KNTC1: variants seen among roughly 807,000 people sequenced by gnomAD.
The protein encoded by KNTC1 is kinetochore associated 1.
KNTC1 carries 253 observed loss-of-function variants against 314.4 expected under a neutral mutation model. The ratio of observed to expected loss-of-function variants is 0.80; its 90% CI spans 0.73 to 0.89. KNTC1 has a LOEUF of 0.89. Among genes scored for constraint, KNTC1 ranks in the 40% least tolerant of loss-of-function variants. The pLI is 0.00. For synonymous variants in KNTC1, 901 were observed against 901.4 expected (o/e 1.00, Z 0.01); for missense variants, 2,475 against 2,572.9 (o/e 0.96, Z 0.82).
intron 44 of KNTC1, among the ~76,000 whole-genome samples, chr12:122,600,700 C>G (rs1161691928): frequency 6.7e-6 from 1 of 149,654 alleles, no homozygotes; most frequent in South Asian, 2.1e-4. Context: ...TAGTCTGGTT[C>G]TTTTGTTCAG....
Position 122,618,522 on chromosome 12 carries a change from TGA to T in KNTC1, c.6130_6131del (p.Leu2045HisfsTer11). On this transcript the variant is annotated frameshift_variant, in exon 59 of 64. Coordinates refer to ENST00000333479, the MANE Select transcript of KNTC1 (RefSeq NM_014708.6). LOFTEE classifies it high-confidence loss of function. Reference protein sequence around the residue: ...LSPDQLSDCSESLIAVLECPV... With the variant: ...LSPDQLSDCSXSLIAVLECPV... The stretch of plus-strand genomic sequence containing the variant: ...GTCCTGATCAGCTGTCAGATTGTTC[TGA>T]GAGTCTCATCGCTGTCCTCGAGTAA... 1 of 1,612,054 alleles carries T rather than the reference TGA, an allele frequency of 6.2e-7. No individual in the cohort carries two copies. Among genetic ancestry groups the T allele is most frequent in the East Asian group, 2.2e-5 (1 of 44,850 alleles).
chr12:122,535,788 C>A (rs1162455337), intron 3 of KNTC1, among the ~76,000 whole-genome samples: 1 of 151,700 alleles, frequency 6.6e-6, no homozygotes, highest in Non-Finnish European at 1.5e-5. Context: ...TATACTCTAG[C>A]CTGAGTGACA....
Position 122,626,244 on chromosome 12 carries a change from T to C in KNTC1, c.*16T>C, listed in dbSNP as rs1432198014. ...ATTATCGTAAATCACTGAACCTTTT[T>C]TTCAAGAAGGACAAGAATTTTGGAG... On this transcript the variant is annotated 3_prime_UTR_variant, in exon 64 of 64. Transcript: ENST00000333479. 2 of 1,576,170 alleles carry C rather than the reference T, an allele frequency of 1.3e-6. No individual in the cohort carries two copies. The highest frequency in any genetic ancestry group is 1.3e-5 in the African/African-American group (1 of 74,360).
Position 122,542,018 on chromosome 12 carries a change from A to G in KNTC1, c.446-32A>G, listed in dbSNP as rs1237841153. The G allele has an allele frequency of 2.7e-6, 4 of 1,493,438 alleles. No individual in the cohort carries two copies. In the East Asian group the frequency reaches 9.9e-5, roughly 37 times the overall value. 92.5% of individuals were successfully genotyped at this position (1,493,438 alleles called of 1,614,324 possible). A position where few individuals can be genotyped will look rare whatever the true frequency, so the allele number is the denominator to read the frequency against. On this transcript the variant is annotated intron_variant, in intron 5 of 63. Coordinates refer to ENST00000333479, the MANE Select transcript of KNTC1 (RefSeq NM_014708.6). Reference sequence around the variant, plus strand: ...GACAGAATGAGACTCCATCTCAAAAAAAAGAAACTGATTCTGATTTTATTT... The same window carrying G: ...GACAGAATGAGACTCCATCTCAAAAGAAAGAAACTGATTCTGATTTTATTT...
At chr12:122,598,171 T>A (rs753169218) in intron 44 of KNTC1, among the ~76,000 whole-genome samples, 2 of 152,286 alleles carry the variant, frequency 1.3e-5, no homozygotes, top group African/African-American at 4.8e-5. Context: ...TTCTTTGAAT[T>A]TATATGAGCT....
chr12:122,552,508 T>C (rs1963272882), intron 16 of KNTC1, among the ~76,000 whole-genome samples: 1 of 152,058 alleles, frequency 6.6e-6, no homozygotes, highest in Non-Finnish European at 1.5e-5. Flanking sequence ...GGGACTATAG[T>C]TGCATACCAC....
At chr12:122,600,912 C>T (rs886314656) in intron 44 of KNTC1, among the ~76,000 whole-genome samples, 5 of 151,942 alleles carry the variant, frequency 3.3e-5, no homozygotes, top group South Asian at 2.1e-4. Context: ...GTGATCCACC[C>T]GCCTTGGCCT....
At chr12:122,592,832 C>T (rs951762360) in intron 42 of KNTC1, 4 of 152,242 alleles carry the variant, frequency 2.6e-5, no homozygotes, top group African/African-American at 9.7e-5. Flanking sequence ...CGCTCGGGTC[C>T]CCTTCCACAC....
Position 122,587,747 on chromosome 12 carries a change from C to G in KNTC1, c.3767C>G (p.Ser1256Cys), listed in dbSNP as rs749077462. ...GTTTTACCTGTTATAAATTCCATCT[C>G]TGCCCTGCTTCAGAATCTTCAGGAA... The part of the protein sequence containing the change: ...GLVLPVINSI[S>C]ALLQNLQESS... Residue 1256 changes from serine to cysteine, a missense_variant, in exon 39 of 64, where the codon TCT (serine) becomes TGT (cysteine). Transcript: ENST00000333479. The G allele has an allele frequency of 6.2e-7, 1 of 1,613,778 alleles. No homozygotes were observed. Among genetic ancestry groups the G allele is most frequent in the East Asian group, 2.2e-5 (1 of 44,870 alleles).
At chr12:122,609,464 C>T (rs763262304) in intron 52 of KNTC1, 34 bp downstream of exon 52, 7 of 1,344,908 alleles carry the variant, frequency 5.2e-6, no homozygotes, top group Admixed American at 2.5e-5. Flanking sequence ...TCACCTATAT[C>T]GTGATGCAAA....
intron 47 of KNTC1, 58 bp downstream of exon 47, chr12:122,602,945 T>C (rs1451726546): frequency 6.5e-7 from 1 of 1,543,974 alleles, no homozygotes; most frequent in Non-Finnish European, 8.9e-7. Flanking sequence ...TCTGACCCCG[T>C]ATAGAAGATT....
intron 43 of KNTC1, among the ~76,000 whole-genome samples, chr12:122,596,198 T>C (rs886803260): frequency 6.7e-6 from 1 of 149,748 alleles, no homozygotes; most frequent in Non-Finnish European, 1.5e-5. Flanking sequence ...TTCTCCTGCC[T>C]CAGCCTCTTG....
chr12:122,609,678 G>T (rs1338023269), intron 52 of KNTC1, among the ~76,000 whole-genome samples: 1 of 151,842 alleles, frequency 6.6e-6, no homozygotes, highest in Non-Finnish European at 1.5e-5. Flanking sequence ...TAGCTGAAAG[G>T]TGCCTCTCAA....
chr12:122,575,312 G>A (rs1964939740), intron 27 of KNTC1, among the ~76,000 whole-genome samples: 2 of 152,060 alleles, frequency 1.3e-5, no homozygotes, highest in Admixed American at 6.6e-5. Context: ...AAGCAATAAC[G>A]CTGTATGTCT....
chr12:122,596,540 AAAAAC>A (rs1871083035), intron 43 of KNTC1, among the ~76,000 whole-genome samples: 1 of 151,908 alleles, frequency 6.6e-6, no homozygotes, highest in Non-Finnish European at 1.5e-5. Flanking sequence ...TTTAAAAAAA[AAAAAC>A]AAAACAGCTT....
chr12:122,546,738 T>C (rs1962798068), intron 10 of KNTC1, 64 bp downstream of exon 10: 26 of 1,092,716 alleles, frequency 2.4e-5, no homozygotes, highest in Non-Finnish European at 3.5e-5. Flanking sequence ...AATGTCAGAC[T>C]TACAAAGGCA....
At chr12:122,617,644 T>C (rs1473230620) in intron 57 of KNTC1, 1 of 194,204 alleles carries the variant, frequency 5.1e-6, no homozygotes, top group Non-Finnish European at 1.1e-5. Flanking sequence ...GTTCTGACTT[T>C]TTGCCAAATG....
intron 24 of KNTC1, among the ~76,000 whole-genome samples, chr12:122,572,625 C>G (rs1964772067): frequency 6.6e-6 from 1 of 151,998 alleles, no homozygotes; most frequent in Non-Finnish European, 1.5e-5. Context: ...TATATAATCT[C>G]TATAGATAGA....
intron 16 of KNTC1, among the ~76,000 whole-genome samples, chr12:122,556,452 CT>C (rs1963598946): frequency 6.6e-6 from 1 of 150,810 alleles, no homozygotes. Flanking sequence ...GCCCCTTCCC[CT>C]GGGCTCTAGT....
Sources: gnomAD v4.1 joint callset for allele counts (sites outside exome capture counted in the v4.1 genomes callset) on GRCh38, gnomAD v4.1.1 for gene constraint, MANE v1.5 for transcripts, NCBI Gene and HGNC (gene_info 2026-07-23, HGNC 2026-07-21) for gene names.